Variants in YIF1B observed in about 807,000 individuals in gnomAD.
YIF1B encodes protein YIF1B.
A neutral mutation model predicts 34.6 loss-of-function variants in YIF1B; 24 were observed. The ratio of observed to expected loss-of-function variants is 0.69; its 90% CI spans 0.50 to 0.98. YIF1B has a LOEUF of 0.98. Ranked by LOEUF, YIF1B falls within the 50% of genes least tolerant of loss-of-function variation. The probability of loss-of-function intolerance (pLI) is 0.00; values close to 1 mark genes in which losing one functional copy is unlikely to be tolerated. For missense variants in YIF1B, 368 were observed against 429.4 expected, an observed-to-expected ratio of 0.86 and a Z score of 1.26; for synonymous variants, 186 against 184.8, an observed-to-expected ratio of 1.01 and a Z score of -0.05.
At chr19:38,316,164 G>C (rs903158042), upstream of YIF1B, among the ~76,000 whole-genome samples, 3 of 152,194 alleles carry the variant, frequency 2.0e-5, no homozygotes, top group African/African-American at 7.2e-5. Flanking sequence ...GTGGCAGGAG[G>C]GCGAGGCCGG....
chr19:38,307,833 T>G lies in YIF1B; in HGVS notation c.540-81A>C, dbSNP rs77109128. 3,693 of 1,544,984 alleles carry G rather than the reference T, an allele frequency of 2.4e-3. 93 individuals carry two copies. In the East Asian group the frequency reaches 0.061, roughly 25 times the overall value. ...CACCCATCTGGGGACAGCTCTGTGT[T>G]GGGTAGGGCTGGACACCTGGCAGTG... On this transcript the variant is annotated intron_variant, in intron 5 of 7. Coordinates refer to ENST00000339413, the MANE Select transcript of YIF1B (RefSeq NM_001039672.3).
At chr19:38,319,110 T>C (rs1969615194), upstream of YIF1B, among the ~76,000 whole-genome samples, 2 of 151,744 alleles carry the variant, frequency 1.3e-5, no homozygotes, top group Admixed American at 1.3e-4. Flanking sequence ...CCCTGACCAC[T>C]CTGGGCTGTC....
chr19:38,307,794 C>A, intron 5 of YIF1B, 42 bp from the exon 6 acceptor site: 1 of 1,602,914 alleles, frequency 6.2e-7, no homozygotes, highest in East Asian at 2.2e-5. Flanking sequence ...CTGGTTCAGA[C>A]CCCCCACCCC....
At chr19:38,319,158 C>T (rs148378445), upstream of YIF1B, among the ~76,000 whole-genome samples, 15 of 151,934 alleles carry the variant, frequency 9.9e-5, no homozygotes, top group East Asian at 2.9e-3. Context: ...TCACTCTCTC[C>T]CAGGCATAGC....
chr19:38,317,397 C>T (rs1055298262), upstream of YIF1B: 1 of 152,260 alleles, frequency 6.6e-6, no homozygotes, highest in Non-Finnish European at 1.5e-5. Flanking sequence ...CCTGGTTTCT[C>T]AGTGATGAGT....
chr19:38,311,013 C>T (rs548202035), intron 1 of YIF1B, among the ~76,000 whole-genome samples: 2 of 152,240 alleles, frequency 1.3e-5, no homozygotes, highest in African/African-American at 4.8e-5. Flanking sequence ...ATCTTGATCT[C>T]GTTCACAGCT....
At chr19:38,319,869 C>A (rs1438932925), upstream of YIF1B, 53 of 1,286,370 alleles carry the variant, frequency 4.1e-5, no homozygotes, top group Non-Finnish European at 5.3e-5. Context: ...ACTCCCGGAA[C>A]TGGAACTAGG....
chr19:38,315,668 T>G lies in YIF1B; in HGVS notation c.58+192A>C, dbSNP rs749511959. The G allele has an allele frequency of 3.8e-6, 6 of 1,590,390 alleles. No individual in the cohort carries two copies. In the African/African-American group the frequency reaches 5.4e-5, roughly 14 times the overall value. ...GCACGCTATCCAGTCCCAAGTTGTTTTCTTCTAAAGGAATTTCCTAAAGAA... is the reference window on the plus strand; with the variant it reads ...GCACGCTATCCAGTCCCAAGTTGTTGTCTTCTAAAGGAATTTCCTAAAGAA... On this transcript the variant is annotated intron_variant, in intron 1 of 7. Coordinates refer to ENST00000339413, the MANE Select transcript of YIF1B (RefSeq NM_001039672.3).
intron 1 of YIF1B, among the ~76,000 whole-genome samples, chr19:38,313,568 C>A (rs1452967164): frequency 1.3e-5 from 2 of 152,192 alleles, no homozygotes; most frequent in African/African-American, 4.8e-5. Flanking sequence ...CCAGAGTGAT[C>A]TTTTTAAATA....
upstream of YIF1B, among the ~76,000 whole-genome samples, chr19:38,317,874 C>T (rs1309008116): frequency 4.6e-5 from 7 of 151,946 alleles, no homozygotes; most frequent in East Asian, 1.4e-3. Context: ...AACACCGCAC[C>T]CAGCCTTATG....
rs1968896700 is a variant in YIF1B at position 38,304,490 on chromosome 19, G to A, written c.*862C>T. On this transcript the variant is annotated 3_prime_UTR_variant, in exon 8 of 8. Transcript: ENST00000339413. ...AGGCAGGGGCAGGTCCGGGTCCAAA[G>A]GTAAGTCGCCTCATCACCGGCTGCG... The A allele has an allele frequency of 1.3e-6, 2 of 1,556,794 alleles. No homozygotes were observed. The highest frequency in any genetic ancestry group is 1.4e-5 in the African/African-American group (1 of 73,458).
chr19:38,304,665 C>T lies in YIF1B; in HGVS notation c.*687G>A, dbSNP rs759903274. The T allele has an allele frequency of 5.0e-5, 80 of 1,613,556 alleles. No homozygotes were observed. Among genetic ancestry groups the T allele is most frequent in the Non-Finnish European group, 6.7e-5 (79 of 1,179,998 alleles). ...CTTCCGACTCCAGCAGCAGCTCCAGCGATTCGGACACGGATGTGAAGGTAA... is the reference window on the plus strand; with the variant it reads ...CTTCCGACTCCAGCAGCAGCTCCAGTGATTCGGACACGGATGTGAAGGTAA... On this transcript the variant is annotated 3_prime_UTR_variant, in exon 8 of 8. Coordinates refer to ENST00000339413, the MANE Select transcript of YIF1B (RefSeq NM_001039672.3).
At position 38,307,746 on chromosome 19, in the gene YIF1B, G is replaced by T. The variant is rs1969124784; in HGVS notation, c.546C>A (p.Ser182=). The change falls in exon 6 of 8, where the codon TCC becomes TCA. Residue 182 remains serine, a synonymous_variant. Transcript: ENST00000339413. ...TCGCTTGCAGCCCCAGGAGGTCTGG[G>T]GAGAACCTGCAGGCACAAAGCCCCG... is the stretch of plus-strand genomic sequence containing the variant. ...GLALGTQDRF[S]PDLLGLQASS... 1 of 1,612,290 alleles carries T rather than the reference G, an allele frequency of 6.2e-7. No homozygotes were observed. The highest frequency in any genetic ancestry group is 1.3e-5 in the African/African-American group (1 of 74,894).
rs1968900394 is a variant in YIF1B at position 38,304,540 on chromosome 19, C to G, written c.*812G>C. 2 of 1,584,104 alleles carry G rather than the reference C, an allele frequency of 1.3e-6. No homozygotes were observed. The highest frequency in any genetic ancestry group is 3.7e-5 in the Admixed American group (2 of 54,222). On this transcript the variant is annotated 3_prime_UTR_variant, in exon 8 of 8. Transcript: ENST00000339413. ...GGAGGGGCGGGAAGGCTGGGGTTGC[C>G]CCTGACCCCAGGGTCCTGCCTTAGG... is the stretch of plus-strand genomic sequence containing the variant.
chr19:38,320,890 C>T (rs1054795223), upstream of YIF1B, among the ~76,000 whole-genome samples: 2 of 152,094 alleles, frequency 1.3e-5, no homozygotes, highest in Non-Finnish European at 2.9e-5. Flanking sequence ...TCTTGGTGAC[C>T]CGGGTCTGTC....
chr19:38,317,823 A>C (rs1186922383), upstream of YIF1B, among the ~76,000 whole-genome samples: 3 of 150,686 alleles, frequency 2.0e-5, no homozygotes, highest in Non-Finnish European at 4.4e-5. Context: ...CAGGTGATCC[A>C]CCTGCCTTGG....
intron 1 of YIF1B, among the ~76,000 whole-genome samples, chr19:38,310,297 A>G (rs866192027): frequency 5.6e-5 from 4 of 71,224 alleles, no homozygotes; most frequent in South Asian, 5.2e-4. Flanking sequence ...CCATCCATCC[A>G]TCCACCTACC....
Position 38,309,304 on chromosome 19 carries a change from T to G in YIF1B, c.322A>C (p.Lys108Gln). The change falls in exon 3 of 8, where the codon AAG becomes CAG. Residue 108 changes from lysine (K) to glutamine (Q), a missense_variant. Lys to Gln is a moderately conservative substitution (Grantham distance 53). Around this residue, in one of 3 missense-constraint regions of YIF1B, gnomAD observed 153 missense variants for 156.7 expected, o/e 0.98. Transcript: ENST00000339413. ...TCCACAGCAAAGTAATACTTGAGCT[T>G]GGTGATGGGGATGAAGCGGTCGATC... ...KNIDRFIPIT[K>Q]LKYYFAVDTM... 1 of 1,614,046 alleles carries G rather than the reference T, an allele frequency of 6.2e-7. No homozygotes were observed. Among genetic ancestry groups the G allele is most frequent in the Non-Finnish European group, 8.5e-7 (1 of 1,179,968 alleles).
At chr19:38,316,074 C>G, upstream of YIF1B, 1 of 1,133,666 alleles carries the variant, frequency 8.8e-7, no homozygotes, top group Non-Finnish European at 1.1e-6. Flanking sequence ...TCACGGAGGC[C>G]TGGACGACTG....
Sources: gnomAD v4.1 joint callset for allele counts (sites outside exome capture counted in the v4.1 genomes callset) on GRCh38, gnomAD v4.1.1 for gene constraint, gnomAD v4.1.1 regional missense constraint, MANE v1.5 for transcripts, NCBI Gene and HGNC (gene_info 2026-07-23, HGNC 2026-07-21) for gene names.